PCDHGA10: variants seen among roughly 807,000 people sequenced by gnomAD.
PCDHGA10 encodes the protein protocadherin gamma subfamily A, 10.
In PCDHGA10, 42 loss-of-function variants were observed where a neutral mutation model predicts 59.5. The ratio of observed to expected loss-of-function variants is 0.71; its 90% CI spans 0.55 to 0.91. The LOEUF (loss-of-function observed/expected upper bound fraction) is 0.91. PCDHGA10 is among the 40% of genes least tolerant of loss of function. The pLI, the probability that PCDHGA10 is intolerant of heterozygous loss-of-function variation, is 0.00. For synonymous variants in PCDHGA10, 511 were observed against 517.2 expected (o/e 0.99, Z 0.16); for missense variants, 1,111 against 1,198.2 (o/e 0.93, Z 1.07).
In PCDHGA10 at chr5:141,486,474, C is replaced by T. The variant is rs1594589698; in HGVS notation, c.2437-8333C>T. On this transcript the variant is annotated intron_variant, in intron 1 of 3. Transcript: ENST00000398610. This position sits in a 1 kb window ranked among gnomAD's most constrained non-coding sequence, Gnocchi z 5.0. ...ACTGCTTCTGATGCTGGGAACCCTCCTCTCAGTACCCACAGAACTATTTTC... is the reference window on the plus strand; with the variant it reads ...ACTGCTTCTGATGCTGGGAACCCTCTTCTCAGTACCCACAGAACTATTTTC... 1 of 1,614,016 alleles carries T rather than the reference C, an allele frequency of 6.2e-7. No homozygotes were observed. Among genetic ancestry groups the T allele is most frequent in the South Asian group, 1.1e-5 (1 of 91,082 alleles).
At chr5:141,502,542 A>G (rs2099814957) in intron 2 of PCDHGA10, among the ~76,000 whole-genome samples, 1 of 152,216 alleles carries the variant, frequency 6.6e-6, no homozygotes, top group Admixed American at 6.5e-5. Context: ...TTCGTGTGGT[A>G]AAAACAGTGT....
rs746903142 is a variant in PCDHGA10, at chr5:141,491,667, G to T, written c.2437-3140G>T. ...TGGCGCTGGAGCCTGACGCCATCCG[G>T]TCCCGCTCTAATACGCTGCGGGAGC... On this transcript the variant is annotated intron_variant, in intron 1 of 3. Coordinates refer to ENST00000398610, the MANE Select transcript of PCDHGA10 (RefSeq NM_018913.3). The surrounding 1 kb of genome is among the most constrained non-coding windows in gnomAD (Gnocchi z 6.9). 1.9e-6 allele frequency: 3 copies of T among 1,613,794 alleles called. No individual in the cohort carries two copies. Among genetic ancestry groups the T allele is most frequent in the Admixed American group, 1.7e-5 (1 of 60,032 alleles).
chr5:141,439,638 C>T (rs1256973189), intron 1 of PCDHGA10, among the ~76,000 whole-genome samples: 2 of 152,184 alleles, frequency 1.3e-5, no homozygotes, highest in African/African-American at 4.8e-5. Context: ...GACATTCCGG[C>T]TTGGTGGCTT....
rs1561748501 is a variant in PCDHGA10 at position 141,414,351 on chromosome 5, G to GT, written c.1177dup (p.Tyr393LeufsTer5). On this transcript the variant is annotated frameshift_variant, in exon 1 of 4. Coordinates refer to ENST00000398610, the MANE Select transcript of PCDHGA10 (RefSeq NM_018913.3). LOFTEE classifies it high-confidence loss of function. ...GACAGGTAACCTGTTCCATTTTGGC[G>GT]TATCTACCATTTAAATTAGAAAAGT... 2.5e-6 allele frequency: 4 copies of GT among 1,613,794 alleles called. No individual in the cohort carries two copies. The South Asian group carries it at 3.3e-5, about 13-fold the overall frequency.
At position 141,414,139 on chromosome 5, in the gene PCDHGA10, G is replaced by T; in HGVS notation, c.964G>T (p.Glu322Ter). 6.3e-7 allele frequency: 1 copy of T among 1,596,506 alleles called. No homozygotes were observed. Among genetic ancestry groups the T allele is most frequent in the Non-Finnish European group, 8.5e-7 (1 of 1,171,216 alleles). ...TGAAGAAACCGGTTTCTATGAAATA[G>T]AAATACAAGCAGAAGATGGAGGAGC... Reference protein sequence around the residue: ...DYEETGFYEIEIQAEDGGAYL... With the variant: ...DYEETGFYEI Residue 322 changes from glutamate (E) to a stop codon, truncating the protein, a stop_gained, in exon 1 of 4, where the codon GAA becomes TAA. Coordinates refer to ENST00000398610, the MANE Select transcript of PCDHGA10 (RefSeq NM_018913.3). LOFTEE classifies it high-confidence loss of function.
Position 141,438,011 on chromosome 5 carries a change from G to T in PCDHGA10, c.2436+22400G>T, listed in dbSNP as rs189978786. On this transcript the variant is annotated intron_variant, in intron 1 of 3. Coordinates refer to ENST00000398610, the MANE Select transcript of PCDHGA10 (RefSeq NM_018913.3). ...CCACCTCAGCCTCCCAAATAGCTGAGATTACAGGTGTGAGCCACCATGCCC... is the reference window on the plus strand; with the variant it reads ...CCACCTCAGCCTCCCAAATAGCTGATATTACAGGTGTGAGCCACCATGCCC... 2.8e-3 allele frequency among the ~76,000 whole-genome samples: 432 copies of T among 152,220 alleles called. 1 individual carries two copies. The highest frequency in any genetic ancestry group is 0.021 in the Admixed American group (318 of 15,288).
intron 1 of PCDHGA10, among the ~76,000 whole-genome samples, chr5:141,465,545 C>T (rs2099105349): frequency 6.6e-6 from 1 of 152,146 alleles, no homozygotes; most frequent in South Asian, 2.1e-4. Context: ...GGCATTTTTT[C>T]TGCTGAAGCT....
chr5:141,427,973 C>T (rs754410723), intron 1 of PCDHGA10: 3 of 1,594,054 alleles, frequency 1.9e-6, no homozygotes, highest in Non-Finnish European at 2.6e-6. Context: ...TGCTGTACCC[C>T]GCGCTGGGGC....
intron 1 of PCDHGA10, chr5:141,417,066 T>C (rs1373522268): frequency 6.6e-6 from 1 of 152,110 alleles, no homozygotes; most frequent in Non-Finnish European, 1.5e-5. Context: ...ACATTGTAGC[T>C]ATTGTGAGAA....
rs1417059875 is a variant in PCDHGA10 at position 141,496,499 on chromosome 5, G to C, written c.2495+1634G>C. 2.6e-5 allele frequency among the ~76,000 whole-genome samples: 4 copies of C among 152,102 alleles called. No individual in the cohort carries two copies. In the East Asian group the frequency reaches 7.7e-4, roughly 29 times the overall value. On this transcript the variant is annotated intron_variant, in intron 2 of 3. Coordinates refer to ENST00000398610, the MANE Select transcript of PCDHGA10 (RefSeq NM_018913.3). ...TCCTGCAACCAACCAAACCCTTGTT[G>C]CCACAAGGACCCAGGAGCCCTTGGT...
At chr5:141,467,055 C>CTTTTTTTTTTTT (rs1193465269) in intron 1 of PCDHGA10, among the ~76,000 whole-genome samples, 1 of 134,498 alleles carries the variant, frequency 7.4e-6, no homozygotes. Context: ...TCAATGTTTT[C>CTTTTTTTTTTTT]TTTTTTTTTT....
At chr5:141,510,509 C>G (rs146315792) in intron 3 of PCDHGA10, among the ~76,000 whole-genome samples, 13 of 152,204 alleles carry the variant, frequency 8.5e-5, no homozygotes, top group Non-Finnish European at 1.6e-4. Flanking sequence ...ACTGAGAGCC[C>G]GTGTCACAGC....
chr5:141,435,792 A>G (rs2097780110), intron 1 of PCDHGA10, among the ~76,000 whole-genome samples: 1 of 152,074 alleles, frequency 6.6e-6, no homozygotes, highest in South Asian at 2.1e-4. Context: ...AGGGAAACAT[A>G]ACGTCCCAAT....
intron 1 of PCDHGA10, chr5:141,478,623 G>GT (rs1337268572): frequency 1.3e-5 from 20 of 1,554,356 alleles, no homozygotes; most frequent in Admixed American, 3.9e-5. Flanking sequence ...GAATGGAGCT[G>GT]TTTTTTTAGT....
At chr5:141,475,684 T>C (rs2099367059) in intron 1 of PCDHGA10, among the ~76,000 whole-genome samples, 1 of 152,228 alleles carries the variant, frequency 6.6e-6, no homozygotes, top group African/African-American at 2.4e-5. Context: ...TTGATTTGGA[T>C]TGGAGACTTG....
Position 141,510,960 on chromosome 5 carries a change from G to C in PCDHGA10, c.2598G>C (p.Gly866=). The change falls in exon 4 of 4, where the codon GGG becomes GGC. Residue 866 remains glycine, a synonymous_variant. Transcript: ENST00000398610. ...CTGTCTCTGCAGAAGCTGCTGATGG[G>C]AGCTCCACCCTGGGAGGGGGTGCCG... The part of the protein sequence containing the change: ...ILASASEAAD[G]SSTLGGGAGT... 1 of 1,614,120 alleles carries C rather than the reference G, an allele frequency of 6.2e-7. No homozygotes were observed. Among genetic ancestry groups the C allele is most frequent in the Non-Finnish European group, 8.5e-7 (1 of 1,180,022 alleles).
chr5:141,506,398 A>T (rs902405970), intron 3 of PCDHGA10, among the ~76,000 whole-genome samples: 6 of 151,394 alleles, frequency 4.0e-5, no homozygotes, highest in Admixed American at 2.6e-4. Context: ...GTGAGCAGAA[A>T]ATCGCACCAC....
At chr5:141,495,065 T>C (rs1413025171) in intron 2 of PCDHGA10, among the ~76,000 whole-genome samples, 200 bp downstream of exon 2, 1 of 152,148 alleles carries the variant, frequency 6.6e-6, no homozygotes, top group Admixed American at 6.5e-5. Flanking sequence ...TTCAGGAAGC[T>C]CAATTCACAT....
In PCDHGA10 at chr5:141,486,805, C is replaced by A; in HGVS notation, c.2437-8002C>A. On this transcript the variant is annotated intron_variant, in intron 1 of 3. Transcript: ENST00000398610. The surrounding 1 kb of genome is among the most constrained non-coding windows in gnomAD (Gnocchi z 5.0). ...AGGCCCGGGATCGGGGCAACCCACC[C>A]CTTAGCAGCACTGTAACAGTTCGTC... 1.2e-6 allele frequency: 2 copies of A among 1,614,242 alleles called. No homozygotes were observed. Among genetic ancestry groups the A allele is most frequent in the Admixed American group, 1.7e-5 (1 of 60,034 alleles).
Sources: gnomAD v4.1 joint callset for allele counts (sites outside exome capture counted in the v4.1 genomes callset) on GRCh38, gnomAD v4.1.1 for gene constraint, Gnocchi (gnomAD v3.1) non-coding constraint, MANE v1.5 for transcripts, NCBI Gene and HGNC (gene_info 2026-07-23, HGNC 2026-07-21) for gene names.